The following ALOX15B variants were observed in gnomAD, a reference collection of about 807,000 sequenced individuals.
The protein encoded by ALOX15B is polyunsaturated fatty acid lipoxygenase ALOX15B.
ALOX15B carries 74 observed loss-of-function variants against 73.8 expected under a neutral mutation model. That is an observed-to-expected ratio of 1.00 (90% CI 0.83 to 1.22). The LOEUF (loss-of-function observed/expected upper bound fraction) is 1.22. Among genes scored for constraint, ALOX15B ranks in the 50% most tolerant of loss-of-function variants. The pLI is 0.00. For synonymous variants in ALOX15B, 353 were observed against 357.2 expected (o/e 0.99, Z 0.13); for missense variants, 896 against 859.9 (o/e 1.04, Z -0.52).
intron 5 of ALOX15B, 96 bp from the exon 6 acceptor site, chr17:8,044,733 C>A: frequency 9.1e-7 from 1 of 1,104,008 alleles, no homozygotes; most frequent in Non-Finnish European, 1.3e-6. Context: ...TAGCCAGAGG[C>A]CTGTGGGAGC....
chr17:8,041,762 G>A (rs1976469353), intron 3 of ALOX15B, among the ~76,000 whole-genome samples: 1 of 152,178 alleles, frequency 6.6e-6, no homozygotes, highest in Non-Finnish European at 1.5e-5. Context: ...AGATGCCTCG[G>A]GCGGCTCCCC....
chr17:8,042,348 C>T (rs764611605), intron 3 of ALOX15B, 21 bp from the exon 4 acceptor site: 1 of 1,612,714 alleles, frequency 6.2e-7, no homozygotes, highest in Non-Finnish European at 8.5e-7. Context: ...TTGCTGACCA[C>T]CTTCCCTCTC....
chr17:8,042,529 A>G (rs1976490490), intron 4 of ALOX15B, 38 bp downstream of exon 4: 1 of 1,607,494 alleles, frequency 6.2e-7, no homozygotes, highest in Non-Finnish European at 8.5e-7. Flanking sequence ...TGGGCCTCAG[A>G]TGCCCTATGA....
intron 8 of ALOX15B, among the ~76,000 whole-genome samples, 198 bp downstream of exon 8, chr17:8,045,884 G>A: frequency 6.6e-6 from 1 of 152,158 alleles, no homozygotes; most frequent in East Asian, 1.9e-4. Context: ...ACCCCAGAAA[G>A]GCTCTCGAAG....
chr17:8,045,405 A>G, intron 7 of ALOX15B, 21 bp downstream of exon 7: 1 of 1,613,858 alleles, frequency 6.2e-7, no homozygotes, highest in Non-Finnish European at 8.5e-7. Context: ...AGGCAGGGGC[A>G]GGGCAGCGTG....
chr17:8,042,067 C>T (rs1254715418), intron 3 of ALOX15B, among the ~76,000 whole-genome samples: 1 of 152,206 alleles, frequency 6.6e-6, no homozygotes, highest in Non-Finnish European at 1.5e-5. Flanking sequence ...CAGAGAGAGA[C>T]CACCTCTCTG....
intron 13 of ALOX15B, 25 bp from the exon 14 acceptor site, chr17:8,048,361 A>G (rs774097290): frequency 2.5e-6 from 4 of 1,599,534 alleles, no homozygotes; most frequent in Non-Finnish European, 3.4e-6. Flanking sequence ...CAGCCGCCTC[A>G]CCCAACCTTG....
Position 8,044,846 on chromosome 17 carries a change from T to C in ALOX15B, c.694T>C (p.Trp232Arg), listed in dbSNP as rs1976560613. 6.7e-7 allele frequency: 1 copy of C among 1,488,148 alleles called. No homozygotes were observed. Among genetic ancestry groups the C allele is most frequent in the Non-Finnish European group, 9.1e-7 (1 of 1,101,824 alleles). The allele number at this position is 1,488,148 out of a possible 1,614,324, so 92.2% of individuals were successfully genotyped here. A position where few individuals can be genotyped will look rare whatever the true frequency, so the allele number is the denominator to read the frequency against. Reference protein sequence around the residue: ...TPAAEHAFEHWQEDAFFASQF... With the variant: ...TPAAEHAFEHRQEDAFFASQF... ...CCCTGCAGAGCACGCATTTGAGCAC[T>C]GGCAGGAGGACGCCTTCTTCGCCTC... Residue 232 changes from tryptophan (W) to arginine (R), a missense_variant, in exon 6 of 14, where the codon TGG becomes CGG. By Grantham distance (101) the Trp-to-Arg change is moderately radical (BLOSUM62 -3). Transcript: ENST00000380183.
intron 3 of ALOX15B, among the ~76,000 whole-genome samples, chr17:8,040,650 A>AGAAAGAAAGAAAGAAAGAAAGAAAGAAG: frequency 8.9e-6 from 1 of 112,790 alleles, no homozygotes; most frequent in South Asian, 2.5e-4. Context: ...AAAGAAAGAA[A>AGAAAGAAAGAAAGAAAGAAAGAAAGAAG]GAAAAGAAAG....
chr17:8,048,373 G>C lies in ALOX15B; in HGVS notation c.1852-13G>C. ...CAGCAGCCGCCTCACCCAACCTTGT[G>C]GTGGATCCTCAGAGGCCCCTGGGCA... On this transcript the variant is annotated splice_polypyrimidine_tract_variant and intron_variant, in intron 13 of 13. Transcript: ENST00000380183. The C allele has an allele frequency of 6.2e-7, 1 of 1,607,298 alleles. No individual in the cohort carries two copies. The highest frequency in any genetic ancestry group is 2.2e-5 in the East Asian group (1 of 44,744).
At position 8,039,097 on chromosome 17, in the gene ALOX15B, G is replaced by C; in HGVS notation, c.-59G>C. 1.9e-6 allele frequency: 3 copies of C among 1,567,796 alleles called. No individual in the cohort carries two copies. Among genetic ancestry groups the C allele is most frequent in the Non-Finnish European group, 2.6e-6 (3 of 1,159,666 alleles). ...AGGGGCAATAACCAGGCGTGTCCCA[G>C]GGGGGAGCCCCGCTCTGCAGCCCTG... On this transcript the variant is annotated 5_prime_UTR_variant, in exon 1 of 14. Transcript: ENST00000380183.
At position 8,047,300 on chromosome 17, in the gene ALOX15B, G is replaced by T; in HGVS notation, c.1500G>T (p.Glu500Asp). 6.2e-7 allele frequency: 1 copy of T among 1,614,096 alleles called. No homozygotes were observed. The highest frequency in any genetic ancestry group is 1.3e-5 in the African/African-American group (1 of 75,032). ...EIIGIYYPSD[E>D]SVQDDRELQA... The stretch of plus-strand genomic sequence containing the variant: ...TCGGTATCTACTACCCAAGTGATGA[G>T]TCTGTCCAAGATGACAGAGAGCTCC... The change falls in exon 11 of 14, where the codon GAG becomes GAT. Residue 500 changes from glutamate (E) to aspartate (D), a missense_variant. By Grantham distance (45) the Glu-to-Asp change is conservative (BLOSUM62 2). Transcript: ENST00000380183.
chr17:8,045,479 C>A lies in ALOX15B; in HGVS notation c.997-4C>A. The A allele has an allele frequency of 6.2e-7, 1 of 1,614,124 alleles. No individual in the cohort carries two copies. The highest frequency in any genetic ancestry group is 8.5e-7 in the Non-Finnish European group (1 of 1,180,024). On this transcript the variant is annotated splice_region_variant and splice_polypyrimidine_tract_variant and intron_variant, in intron 7 of 13. Coordinates refer to ENST00000380183, the MANE Select transcript of ALOX15B (RefSeq NM_001141.3). Reference sequence around the variant, plus strand: ...TGCCTCTCTCCCCACCTGCCTCCCCCCAGCTCAGCCAGACCCCCGGCCCAA... The same window carrying A: ...TGCCTCTCTCCCCACCTGCCTCCCCACAGCTCAGCCAGACCCCCGGCCCAA...
chr17:8,045,766 A>G, intron 8 of ALOX15B, 80 bp downstream of exon 8: 1 of 1,476,588 alleles, frequency 6.8e-7, no homozygotes, highest in Non-Finnish European at 9.2e-7. Context: ...ACATGGCCCT[A>G]TCCATGCAAG....
chr17:8,042,618 C>A, intron 4 of ALOX15B, 127 bp downstream of exon 4: 1 of 1,407,710 alleles, frequency 7.1e-7, no homozygotes, highest in Non-Finnish European at 9.8e-7. Flanking sequence ...AGGAAACAGC[C>A]TCCTTCCCAC....
At chr17:8,042,933 T>A (rs376877810) in intron 5 of ALOX15B, 49 bp downstream of exon 5, 2 of 1,447,194 alleles carry the variant, frequency 1.4e-6, no homozygotes, top group African/African-American at 2.8e-5. Context: ...GGGCATCAGC[T>A]CCTGTGGCTG....
chr17:8,048,479 A>G lies in ALOX15B; in HGVS notation c.1945A>G (p.Arg649Gly). The G allele has an allele frequency of 3.7e-6, 6 of 1,614,104 alleles. No homozygotes were observed. The highest frequency in any genetic ancestry group is 2.5e-6 in the Non-Finnish European group (3 of 1,180,022). ...TFQSRLAQIS[R>G]GIQERNQGLV... ...CCAGAGCCGCCTGGCCCAGATCTCG[A>G]GGGGCATCCAGGAGCGGAACCAGGG... Residue 649 changes from arginine (R) to glycine (G), a missense_variant, in exon 14 of 14, where the codon AGG becomes GGG. Coordinates refer to ENST00000380183, the MANE Select transcript of ALOX15B (RefSeq NM_001141.3).
rs1358359696 is a variant in ALOX15B at position 8,039,623 on chromosome 17, C to A, written c.367+18C>A. On this transcript the variant is annotated intron_variant, in intron 2 of 13. Coordinates refer to ENST00000380183, the MANE Select transcript of ALOX15B (RefSeq NM_001141.3). ...GGGTACAGGTGAGGGGCGGGCCGGG[C>A]TGGGGCTGCAGGGGGAGCACAGGAA... is the stretch of plus-strand genomic sequence containing the variant. 1 of 517,070 alleles carries A rather than the reference C, an allele frequency of 1.9e-6. No individual in the cohort carries two copies. Among genetic ancestry groups the A allele is most frequent in the East Asian group, 3.9e-5 (1 of 25,598 alleles). 32.0% of individuals were successfully genotyped at this position (517,070 alleles called of 1,614,324 possible). A position where few individuals can be genotyped will look rare whatever the true frequency, so the allele number is the denominator to read the frequency against.
chr17:8,045,136 G>A (rs1178559239), intron 6 of ALOX15B, 102 bp from the exon 7 acceptor site: 20 of 1,594,236 alleles, frequency 1.3e-5, no homozygotes, highest in Non-Finnish European at 1.5e-5. Context: ...ACACTCTCCC[G>A]AAACACACTC....
Sources: gnomAD v4.1 joint callset for allele counts (sites outside exome capture counted in the v4.1 genomes callset) on GRCh38, gnomAD v4.1.1 for gene constraint, MANE v1.5 for transcripts, NCBI Gene and HGNC (gene_info 2026-07-23, HGNC 2026-07-21) for gene names.